Variants in SPAG16 observed in about 807,000 individuals in gnomAD.
SPAG16 encodes sperm-associated antigen 16 protein.
In SPAG16, 86 loss-of-function variants were observed where a neutral mutation model predicts 80.4. That is an observed-to-expected ratio of 1.07 (90% CI 0.90 to 1.28). The LOEUF (loss-of-function observed/expected upper bound fraction) is 1.28, where lower values mean the gene tolerates loss of function less well. Ranked by LOEUF, SPAG16 falls within the 50% of genes most tolerant of loss-of-function variation. The pLI, the probability that SPAG16 is intolerant of heterozygous loss-of-function variation, is 0.00. For synonymous variants in SPAG16, 294 were observed against 265.9 expected, an observed-to-expected ratio of 1.11 and a Z score of -1.03; for missense variants, 870 against 765.3, an observed-to-expected ratio of 1.14 and a Z score of -1.61.
chr2:214,277,657 T>C (rs1692572171), intron 15 of SPAG16, among the ~76,000 whole-genome samples: 1 of 152,226 alleles, frequency 6.6e-6, no homozygotes, highest in South Asian at 2.1e-4. Context: ...CAAATATTGC[T>C]GCCTTATCCT....
intron 10 of SPAG16, among the ~76,000 whole-genome samples, chr2:213,813,397 A>G (rs927301006): frequency 5.9e-5 from 9 of 152,174 alleles, no homozygotes; most frequent in Admixed American, 5.9e-4. Flanking sequence ...CACCCTCCAC[A>G]CCAGATAATT....
intron 10 of SPAG16, among the ~76,000 whole-genome samples, chr2:213,674,925 G>T (rs1467458959): frequency 6.7e-6 from 1 of 149,760 alleles, no homozygotes; most frequent in Non-Finnish European, 1.5e-5. Context: ...GAGTCAAATG[G>T]TATTTCTAGT....
chr2:214,231,943 C>A (rs1316784172), intron 15 of SPAG16, among the ~76,000 whole-genome samples: 1 of 151,868 alleles, frequency 6.6e-6, no homozygotes. Flanking sequence ...AATACTTTTT[C>A]TATGTGTTTA....
At chr2:214,049,739 G>C (rs984076775) in intron 13 of SPAG16, among the ~76,000 whole-genome samples, 1 of 152,198 alleles carries the variant, frequency 6.6e-6, no homozygotes, top group African/African-American at 2.4e-5. Context: ...AAAGTTGGAC[G>C]CAGCCCTGGG....
intron 13 of SPAG16, among the ~76,000 whole-genome samples, chr2:214,082,795 A>C (rs1027059649): frequency 2.0e-5 from 3 of 152,168 alleles, no homozygotes; most frequent in Admixed American, 2.0e-4. Flanking sequence ...CAACAGATTC[A>C]ACCTTTATGA....
intron 10 of SPAG16, among the ~76,000 whole-genome samples, chr2:213,823,521 C>T (rs1334953072): frequency 3.3e-5 from 5 of 152,006 alleles, no homozygotes; most frequent in African/African-American, 4.8e-5. Context: ...CCACCATGCC[C>T]GACTAATTTT....
chr2:213,355,598 T>A (rs1315072454), intron 7 of SPAG16, among the ~76,000 whole-genome samples: 8 of 152,216 alleles, frequency 5.3e-5, no homozygotes, highest in African/African-American at 1.7e-4. Context: ...TAAGTTGGAT[T>A]CCTAGGTATT....
At chr2:213,289,068 G>A (rs552934309) in intron 1 of SPAG16, among the ~76,000 whole-genome samples, 57 of 152,192 alleles carry the variant, frequency 3.7e-4, no homozygotes, top group Non-Finnish European at 7.3e-4. Flanking sequence ...ATGTGCATAT[G>A]ACTCACCTGG....
intron 13 of SPAG16, among the ~76,000 whole-genome samples, chr2:214,020,832 A>G (rs1215582688): frequency 6.6e-6 from 1 of 152,176 alleles, no homozygotes; most frequent in Non-Finnish European, 1.5e-5. Context: ...TATGTGGAAA[A>G]TTCTTTTTCT....
intron 12 of SPAG16, among the ~76,000 whole-genome samples, chr2:213,931,244 A>C (rs2106249994): frequency 6.6e-6 from 1 of 152,248 alleles, no homozygotes; most frequent in Middle Eastern, 3.4e-3. Context: ...AAGGAGCATA[A>C]CCCACCTGAG....
intron 15 of SPAG16, among the ~76,000 whole-genome samples, chr2:214,360,866 T>C (rs1042431716): frequency 6.6e-6 from 1 of 151,792 alleles, no homozygotes; most frequent in African/African-American, 2.4e-5. Flanking sequence ...TTAAATACCC[T>C]CTTTCTGGGG....
chr2:214,410,054 T>C lies in SPAG16; in HGVS notation c.1721-86T>C, dbSNP rs1187217225. ...AACACAGAATGATAATTGAAAAAAA[T>C]AGAATGCTTCATTGCTTATAAACTG... is the stretch of plus-strand genomic sequence containing the variant. On this transcript the variant is annotated intron_variant, in intron 15 of 15. Transcript: ENST00000331683. The C allele has an allele frequency of 9.6e-6, 14 of 1,460,464 alleles. No homozygotes were observed. The South Asian group carries it at 1.1e-4, about 11-fold the overall frequency. 90.5% of individuals were successfully genotyped at this position (1,460,464 alleles called of 1,614,324 possible). A position where few individuals can be genotyped will look rare whatever the true frequency, so the allele number is the denominator to read the frequency against.
intron 10 of SPAG16, among the ~76,000 whole-genome samples, chr2:213,620,855 C>G (rs1321493512): frequency 1.3e-5 from 2 of 152,082 alleles, no homozygotes; most frequent in African/African-American, 2.4e-5. Flanking sequence ...CTATTAGAGT[C>G]TGCAGATAAA....
intron 15 of SPAG16, among the ~76,000 whole-genome samples, chr2:214,380,901 T>C (rs1700411383): frequency 6.6e-6 from 1 of 152,228 alleles, no homozygotes. Flanking sequence ...GAGAATTTAT[T>C]AAGGCAATTT....
chr2:214,178,179 G>A (rs770669387), intron 15 of SPAG16, among the ~76,000 whole-genome samples: 2 of 148,154 alleles, frequency 1.3e-5, no homozygotes, highest in Non-Finnish European at 3.0e-5. Flanking sequence ...ACCTAACTAG[G>A]GTATTTTGAG....
intron 9 of SPAG16, among the ~76,000 whole-genome samples, chr2:213,441,590 G>A (rs1014416209): frequency 1.3e-5 from 2 of 152,174 alleles, no homozygotes; most frequent in African/African-American, 2.4e-5. Context: ...TTGTAAAAAT[G>A]AATTGAGCTG....
intron 10 of SPAG16, among the ~76,000 whole-genome samples, chr2:213,809,427 A>G (rs977909336): frequency 6.6e-6 from 1 of 152,168 alleles, no homozygotes; most frequent in African/African-American, 2.4e-5. Context: ...CCCACAGGAA[A>G]CATCTAAGGT....
rs2064638403 is a variant in SPAG16 at position 213,685,831 on chromosome 2, T to C, written c.1071-176654T>C. Among the ~76,000 whole-genome samples the C allele has an allele frequency of 3.3e-5, 5 of 152,326 alleles. No homozygotes were observed. The South Asian group carries it at 1.0e-3, about 32-fold the overall frequency. ...AAATAGGGAAGTGAATAAAAAATTA[T>C]GAATAAACCACAAAAACTCAGGCTT... On this transcript the variant is annotated intron_variant, in intron 10 of 15. Coordinates refer to ENST00000331683, the MANE Select transcript of SPAG16 (RefSeq NM_024532.5).
At chr2:213,545,510 G>C (rs115798990) in intron 10 of SPAG16, among the ~76,000 whole-genome samples, 1,806 of 151,932 alleles carry the variant, frequency 0.012, 28 homozygotes, top group African/African-American at 0.041. Flanking sequence ...CTCTGCCTTT[G>C]GTATTGTATC....
Sources: gnomAD v4.1 joint callset for allele counts (sites outside exome capture counted in the v4.1 genomes callset) on GRCh38, gnomAD v4.1.1 for gene constraint, MANE v1.5 for transcripts, NCBI Gene and HGNC (gene_info 2026-07-23, HGNC 2026-07-21) for gene names.